Variants in IGF1 observed in about 807,000 individuals in gnomAD.
The protein encoded by IGF1 is insulin-like growth factor 1.
IGF1 carries 4 observed loss-of-function variants against 13.8 expected under a neutral mutation model. The ratio of observed to expected loss-of-function variants is 0.29; its 90% CI spans 0.14 to 0.66. IGF1 has a LOEUF of 0.66. IGF1 is among the 30% of genes least tolerant of loss of function. The pLI is 0.78. For synonymous variants in IGF1, 76 were observed against 72.6 expected, an observed-to-expected ratio of 1.05 and a Z score of -0.23; for missense variants, 124 against 188.5, an observed-to-expected ratio of 0.66 and a Z score of 2.00.
chr12:102,440,653 G>A (rs1164975793), intron 2 of IGF1, among the ~76,000 whole-genome samples: 1 of 152,114 alleles, frequency 6.6e-6, no homozygotes, highest in Non-Finnish European at 1.5e-5. Context: ...TAGCTGGACT[G>A]CAGGTGAAAA....
intron 2 of IGF1, among the ~76,000 whole-genome samples, chr12:102,474,541 C>T (rs911364180): frequency 3.3e-5 from 5 of 152,158 alleles, no homozygotes; most frequent in African/African-American, 1.2e-4. Flanking sequence ...ACACACATAC[C>T]CCACCTGCCT....
chr12:102,452,557 AGGGGGGT>A (rs1879057766), intron 2 of IGF1, among the ~76,000 whole-genome samples: 1 of 152,160 alleles, frequency 6.6e-6, no homozygotes, highest in Non-Finnish European at 1.5e-5. Flanking sequence ...AATCTGTGTT[AGGGGGGT>A]CTTGCCAATT....
chr12:102,469,889 A>G (rs751572889), intron 2 of IGF1, among the ~76,000 whole-genome samples: 9 of 152,092 alleles, frequency 5.9e-5, no homozygotes, highest in Non-Finnish European at 1.0e-4. Context: ...TGAAAAAGTA[A>G]ATATACTAGA....
At chr12:102,418,116 G>T in intron 3 of IGF1, 1 of 1,131,248 alleles carries the variant, frequency 8.8e-7, no homozygotes, top group Non-Finnish European at 1.2e-6. Context: ...CACTCATGCT[G>T]GAGAGGGGTC....
At chr12:102,478,693 A>G in intron 1 of IGF1, 30 of 1,321,126 alleles carry the variant, frequency 2.3e-5, no homozygotes, top group Non-Finnish European at 2.7e-5. Context: ...CATTGAAACA[A>G]TGAACAAATT....
intron 3 of IGF1, among the ~76,000 whole-genome samples, chr12:102,410,896 C>T (rs940664001): frequency 1.3e-5 from 2 of 152,154 alleles, no homozygotes; most frequent in Non-Finnish European, 2.9e-5. Context: ...ATTGATTTGC[C>T]TCTGTTTGAG....
intron 3 of IGF1, among the ~76,000 whole-genome samples, chr12:102,406,256 A>G (rs1874142370): frequency 6.6e-6 from 1 of 152,216 alleles, no homozygotes; most frequent in Admixed American, 6.5e-5. Flanking sequence ...TGCTTTGCTC[A>G]TTGTCTTAAC....
chr12:102,404,109 C>G (rs1213543407), intron 3 of IGF1, among the ~76,000 whole-genome samples: 2 of 152,180 alleles, frequency 1.3e-5, no homozygotes, highest in African/African-American at 4.8e-5. Flanking sequence ...GGTTTTATCT[C>G]TAGCCAGAGA....
chr12:102,446,284 T>TTA (rs1878317931), intron 2 of IGF1, among the ~76,000 whole-genome samples: 1 of 152,198 alleles, frequency 6.6e-6, no homozygotes. Flanking sequence ...TTGGAATAGT[T>TTA]TCAGACGGAA....
At chr12:102,419,384 G>T (rs1875464369) in intron 3 of IGF1, 125 bp downstream of exon 3, 6 of 881,218 alleles carry the variant, frequency 6.8e-6, no homozygotes, top group Non-Finnish European at 1.0e-5. Flanking sequence ...CCATCCCTTT[G>T]GTGCAAAGGA....
At chr12:102,478,554 G>C (rs1360300966) in intron 1 of IGF1, 1 of 1,601,544 alleles carries the variant, frequency 6.2e-7, no homozygotes, top group African/African-American at 1.3e-5. Flanking sequence ...TTATGAGGCC[G>C]ATGTGAATAG....
intron 2 of IGF1, among the ~76,000 whole-genome samples, chr12:102,429,031 T>G (rs1452129916): frequency 2.0e-5 from 3 of 152,154 alleles, no homozygotes; most frequent in Non-Finnish European, 4.4e-5. Context: ...TGCCATCCTC[T>G]TTTTTTGGTA....
In IGF1 at chr12:102,470,501, T is replaced by C. The variant is rs1162236467; in HGVS notation, c.220+5142A>G. Among the ~76,000 whole-genome samples the C allele has an allele frequency of 2.6e-5, 4 of 152,210 alleles. No homozygotes were observed. The East Asian group carries it at 5.8e-4, about 22-fold the overall frequency. The stretch of plus-strand genomic sequence containing the variant: ...CAGGAACAAGCATTTGGGGTCAATA[T>C]AAAAACACATTGCTTCTCTTTAATA... On this transcript the variant is annotated intron_variant, in intron 2 of 3. Transcript: ENST00000337514.
In IGF1 at chr12:102,451,376, G is replaced by A. The variant is rs1324327374; in HGVS notation, c.220+24267C>T. Among the ~76,000 whole-genome samples the A allele has an allele frequency of 3.9e-5, 6 of 152,244 alleles. 1 individual carries two copies. The highest frequency in any genetic ancestry group is 3.3e-4 in the Admixed American group (5 of 15,282). ...ATTGCTCTCTATTTCATTTGTTTAC[G>A]CAGAGTAAGTAATGAACTTCCAGGA... On this transcript the variant is annotated intron_variant, in intron 2 of 3. Transcript: ENST00000337514.
At chr12:102,442,478 G>T (rs1394733329) in intron 2 of IGF1, among the ~76,000 whole-genome samples, 2 of 152,028 alleles carry the variant, frequency 1.3e-5, no homozygotes, top group East Asian at 3.9e-4. Flanking sequence ...ACTTTAGTTT[G>T]CTTGGCCTGA....
chr12:102,412,955 G>A (rs1175623663), intron 3 of IGF1, among the ~76,000 whole-genome samples: 1 of 152,234 alleles, frequency 6.6e-6, no homozygotes, highest in Non-Finnish European at 1.5e-5. Flanking sequence ...TCAGGGAAAA[G>A]TTCTGATTCC....
intron 3 of IGF1, among the ~76,000 whole-genome samples, chr12:102,414,260 G>T (rs1032624745): frequency 2.0e-5 from 3 of 151,850 alleles, no homozygotes; most frequent in African/African-American, 7.3e-5. Flanking sequence ...ACTGAATAAG[G>T]TAGATTCAGT....
At chr12:102,458,730 C>CAAAAAAAAA (rs397825972) in intron 2 of IGF1, among the ~76,000 whole-genome samples, 8,060 of 72,688 alleles carry the variant, frequency 0.11, 790 homozygotes, top group East Asian at 0.29. Context: ...GAACACTGAC[C>CAAAAAAAAA]AAAAAAAAAA....
chr12:102,414,973 G>A (rs1874956797), intron 3 of IGF1, among the ~76,000 whole-genome samples: 1 of 152,212 alleles, frequency 6.6e-6, no homozygotes, highest in Non-Finnish European at 1.5e-5. Flanking sequence ...ATTAAGGGGA[G>A]TAATAGGTGT....
Sources: gnomAD v4.1 joint callset for allele counts (sites outside exome capture counted in the v4.1 genomes callset) on GRCh38, gnomAD v4.1.1 for gene constraint, MANE v1.5 for transcripts, NCBI Gene and HGNC (gene_info 2026-07-23, HGNC 2026-07-21) for gene names.